The following ZNF385D variants were observed in gnomAD, a reference collection of about 807,000 sequenced individuals.
ZNF385D encodes zinc finger protein 385D, also known as zinc finger protein 659.
Under a neutral mutation model 35.8 loss-of-function variants are expected in ZNF385D, and 15 were observed. That is an observed-to-expected ratio of 0.42 (90% CI 0.28 to 0.64). ZNF385D has a LOEUF of 0.64. Among genes scored for constraint, ZNF385D ranks in the 30% least tolerant of loss-of-function variants. The pLI, the probability that ZNF385D is intolerant of heterozygous loss-of-function variation, is 0.23. For missense variants in ZNF385D, 474 were observed against 494.6 expected, an observed-to-expected ratio of 0.96 and a Z score of 0.39; for synonymous variants, 212 against 186.8, an observed-to-expected ratio of 1.13 and a Z score of -1.10.
At chr3:21,446,112 G>C (rs1253210666) in intron 4 of ZNF385D, among the ~76,000 whole-genome samples, 1 of 152,212 alleles carries the variant, frequency 6.6e-6, no homozygotes, top group Non-Finnish European at 1.5e-5. Context: ...AGTATGTATA[G>C]GGTGAGGTCT....
chr3:22,188,499 G>A (rs879512428), intron 2 of ZNF385D, among the ~76,000 whole-genome samples: 1 of 151,778 alleles, frequency 6.6e-6, no homozygotes, highest in Non-Finnish European at 1.5e-5. Flanking sequence ...GCCCAGGCTG[G>A]AGTCCAGTGG....
intron 3 of ZNF385D, among the ~76,000 whole-genome samples, chr3:21,967,807 G>A (rs1414771285): frequency 1.3e-5 from 2 of 152,182 alleles, no homozygotes; most frequent in African/African-American, 4.8e-5. Context: ...GAGGAAGTTG[G>A]AGTAAGATGG....
chr3:21,602,517 C>CTTTTTTTTTTTCTTTT (rs2064334306), intron 2 of ZNF385D, among the ~76,000 whole-genome samples: 1 of 62,710 alleles, frequency 1.6e-5, no homozygotes, highest in Non-Finnish European at 2.9e-5. Flanking sequence ...CCTGCATTTT[C>CTTTTTTTTTTTCTTTT]TTTTTTTTTT....
chr3:21,485,608 C>T (rs1455055489), intron 4 of ZNF385D, among the ~76,000 whole-genome samples: 1 of 152,004 alleles, frequency 6.6e-6, no homozygotes, highest in Admixed American at 6.6e-5. Context: ...CACCATTTTT[C>T]CCATCTGTGA....
At chr3:22,219,786 C>A (rs1230565703) in intron 2 of ZNF385D, among the ~76,000 whole-genome samples, 1 of 152,070 alleles carries the variant, frequency 6.6e-6, no homozygotes, top group Non-Finnish European at 1.5e-5. Context: ...AGTCTTGGAT[C>A]AGTTTAAGTA....
intron 3 of ZNF385D, among the ~76,000 whole-genome samples, chr3:21,757,276 G>A (rs890837967): frequency 2.0e-5 from 3 of 151,902 alleles, no homozygotes; most frequent in Admixed American, 1.3e-4. Context: ...AGCTTCAGCT[G>A]GGACTACAGG....
intron 4 of ZNF385D, among the ~76,000 whole-genome samples, chr3:21,447,345 G>A (rs1411078303): frequency 8.4e-6 from 1 of 119,218 alleles, no homozygotes; most frequent in Non-Finnish European, 1.7e-5. Flanking sequence ...TTTTCCTCCA[G>A]TAGGGCAGAA....
intron 3 of ZNF385D, among the ~76,000 whole-genome samples, chr3:22,016,396 T>C (rs28706877): frequency 0.057 from 8,618 of 152,178 alleles, 815 homozygotes; most frequent in African/African-American, 0.19. Context: ...GCATTCTATG[T>C]ACTTAGTATC....
chr3:22,175,234 C>T (rs933652347), intron 2 of ZNF385D, among the ~76,000 whole-genome samples: 4 of 151,864 alleles, frequency 2.6e-5, no homozygotes, highest in African/African-American at 9.7e-5. Context: ...GATACAACTG[C>T]TACTGTAATA....
intron 3 of ZNF385D, among the ~76,000 whole-genome samples, chr3:22,137,138 CTTT>C (rs1473240100): frequency 6.6e-5 from 10 of 152,086 alleles, no homozygotes; most frequent in African/African-American, 2.4e-4. Context: ...TATATAAGAT[CTTT>C]CTGTGTTTTT....
At chr3:22,328,621 G>A (rs1421603389) in intron 2 of ZNF385D, among the ~76,000 whole-genome samples, 1 of 150,386 alleles carries the variant, frequency 6.6e-6, no homozygotes, top group African/African-American at 2.5e-5. Context: ...AAATTAGCTG[G>A]GCATGGTGGT....
chr3:21,895,171 T>G (rs1052393556), intron 3 of ZNF385D, among the ~76,000 whole-genome samples: 2 of 152,018 alleles, frequency 1.3e-5, no homozygotes, highest in African/African-American at 4.8e-5. Flanking sequence ...AATGAGGTAT[T>G]TCTATTTGAC....
intron 1 of ZNF385D, among the ~76,000 whole-genome samples, chr3:21,717,467 T>C (rs1283285004): frequency 2.6e-5 from 4 of 152,220 alleles, no homozygotes; most frequent in African/African-American, 7.2e-5. Flanking sequence ...CAGTGCTTAA[T>C]AGTTCTGCCA....
At chr3:21,928,687 A>T (rs954148235) in intron 3 of ZNF385D, among the ~76,000 whole-genome samples, 2 of 152,244 alleles carry the variant, frequency 1.3e-5, no homozygotes, top group Admixed American at 1.3e-4. Flanking sequence ...CAGAAATTTT[A>T]AAATAAAGAA....
At chr3:22,255,738 T>C (rs924293779) in intron 2 of ZNF385D, among the ~76,000 whole-genome samples, 8 of 151,792 alleles carry the variant, frequency 5.3e-5, no homozygotes, top group Non-Finnish European at 1.0e-4. Flanking sequence ...GCATGTTCAC[T>C]AATAGTTTGT....
At chr3:21,934,070 C>T (rs1449486970) in intron 3 of ZNF385D, among the ~76,000 whole-genome samples, 1 of 151,732 alleles carries the variant, frequency 6.6e-6, no homozygotes, top group Non-Finnish European at 1.5e-5. Context: ...AGAAAGAAAT[C>T]ATTCTTTCAG....
chr3:21,714,825 T>G (rs969192081), intron 1 of ZNF385D, among the ~76,000 whole-genome samples: 2 of 152,208 alleles, frequency 1.3e-5, no homozygotes, highest in Admixed American at 1.3e-4. Context: ...TTTAAAAAAA[T>G]AAATTTCATT....
At chr3:22,071,473 T>G (rs186961491) in intron 3 of ZNF385D, among the ~76,000 whole-genome samples, 2 of 152,314 alleles carry the variant, frequency 1.3e-5, no homozygotes, top group East Asian at 3.9e-4. Context: ...ATCTCTCAAC[T>G]GCACTTCTGA....
chr3:22,208,747 G>C (rs56286006), intron 2 of ZNF385D, among the ~76,000 whole-genome samples: 3 of 151,460 alleles, frequency 2.0e-5, no homozygotes, highest in Non-Finnish European at 4.4e-5. Flanking sequence ...TAATTATTCA[G>C]TATGCACAAT....
Sources: allele counts gnomAD v4.1 joint callset (sites outside exome capture counted in the v4.1 genomes callset), GRCh38; gene constraint gnomAD v4.1.1; transcripts MANE v1.5; gene names NCBI Gene and HGNC (gene_info 2026-07-23, HGNC 2026-07-21).